COL25A1: variants seen among roughly 807,000 people sequenced by gnomAD.
COL25A1 encodes collagen type XXV alpha 1 chain.
COL25A1 carries 103 observed loss-of-function variants against 128.4 expected under a neutral mutation model. That is an observed-to-expected ratio of 0.80 (90% CI 0.68 to 0.94). COL25A1 has a LOEUF of 0.94. COL25A1 is among the 40% of genes least tolerant of loss of function. The pLI is 0.00. For synonymous variants in COL25A1, 279 were observed against 277.2 expected (o/e 1.01, Z -0.06); for missense variants, 745 against 840.0 (o/e 0.89, Z 1.40).
At chr4:108,876,738 T>C (rs899648599) in intron 19 of COL25A1, among the ~76,000 whole-genome samples, 4 of 152,194 alleles carry the variant, frequency 2.6e-5, no homozygotes, top group African/African-American at 9.7e-5. Flanking sequence ...CTCAGCCCTG[T>C]TGGTGTTATT....
chr4:109,139,563 A>G (rs1770178184), intron 3 of COL25A1, among the ~76,000 whole-genome samples: 1 of 152,154 alleles, frequency 6.6e-6, no homozygotes, highest in Non-Finnish European at 1.5e-5. Context: ...TCTCAACACC[A>G]TTTATTAAAT....
At chr4:108,945,932 T>C (rs1269416131) in intron 8 of COL25A1, among the ~76,000 whole-genome samples, 1 of 152,220 alleles carries the variant, frequency 6.6e-6, no homozygotes, top group East Asian at 1.9e-4. Context: ...CCCAAAGTGC[T>C]GGGATTATAG....
chr4:108,942,117 C>A, intron 8 of COL25A1: 9 of 1,298,338 alleles, frequency 6.9e-6, no homozygotes, highest in Non-Finnish European at 9.7e-6. Context: ...TGAGAGGAAG[C>A]CAACGGGCTC....
At chr4:109,083,462 T>TAAAA (rs1560659352) in intron 3 of COL25A1, among the ~76,000 whole-genome samples, 9 of 124,110 alleles carry the variant, frequency 7.3e-5, no homozygotes, top group African/African-American at 2.7e-4. Context: ...TTTTTTTTTT[T>TAAAA]TTTTTTTTTT....
chr4:109,267,516 T>C (rs1267184519), intron 3 of COL25A1, among the ~76,000 whole-genome samples: 1 of 152,182 alleles, frequency 6.6e-6, no homozygotes, highest in Non-Finnish European at 1.5e-5. Flanking sequence ...ACTAAATGCA[T>C]TTCCATTGTA....
At chr4:109,039,491 C>T (rs147299302) in intron 5 of COL25A1, among the ~76,000 whole-genome samples, 53 of 152,304 alleles carry the variant, frequency 3.5e-4, no homozygotes, top group African/African-American at 1.3e-3. Context: ...TTCGATTTTT[C>T]ACCCAGACAA....
chr4:108,838,132 C>T (rs756298196), intron 31 of COL25A1: 9 of 1,550,216 alleles, frequency 5.8e-6, no homozygotes, highest in Admixed American at 2.0e-5. Context: ...ACCCTTTTGA[C>T]CTGGTTCACC....
intron 3 of COL25A1, among the ~76,000 whole-genome samples, chr4:109,053,590 C>T (rs1041067794): frequency 2.2e-4 from 34 of 152,114 alleles, no homozygotes; most frequent in African/African-American, 8.2e-4. Context: ...TACCAAAACC[C>T]GTCAATTCTA....
intron 5 of COL25A1, among the ~76,000 whole-genome samples, chr4:109,036,932 A>T (rs1759415259): frequency 1.3e-5 from 2 of 152,186 alleles, no homozygotes; most frequent in South Asian, 4.1e-4. Context: ...TGTTCCCCAA[A>T]CTGCAAATTA....
rs561690857 is a variant in COL25A1 at position 108,840,322 on chromosome 4, C to T, written c.1656+1373G>A. Among the ~76,000 whole-genome samples, 5 of 150,794 alleles carry T rather than the reference C, an allele frequency of 3.3e-5. No homozygotes were observed. The South Asian group carries it at 8.4e-4, about 25-fold the overall frequency. Reference sequence around the variant, plus strand: ...GGGAAAAAGGCCCAGAGAGATTAAACGACTACTAAGATCACAAAGCTGATA... The same window carrying T: ...GGGAAAAAGGCCCAGAGAGATTAAATGACTACTAAGATCACAAAGCTGATA... On this transcript the variant is annotated intron_variant, in intron 31 of 37. Transcript: ENST00000399132.
chr4:108,869,118 T>C lies in COL25A1; in HGVS notation c.1053A>G (p.Glu351=). ...TTCCTGGTAAACCTGGTAAGCCTGGTTCTCCTTGAGGACCAATGAAACCTG... is the reference window on the plus strand; with the variant it reads ...TTCCTGGTAAACCTGGTAAGCCTGGCTCTCCTTGAGGACCAATGAAACCTG... ...GEPGFIGPQG[E]PGLPGLPGTK... Residue 351 remains glutamate (E), a synonymous_variant, in exon 20 of 38, where the codon GAA becomes GAG. Transcript: ENST00000399132. 1 of 1,559,544 alleles carries C rather than the reference T, an allele frequency of 6.4e-7. No individual in the cohort carries two copies. Among genetic ancestry groups the C allele is most frequent in the Non-Finnish European group, 8.6e-7 (1 of 1,158,450 alleles).
intron 3 of COL25A1, among the ~76,000 whole-genome samples, chr4:109,232,612 A>G (rs190279796): frequency 3.6e-4 from 55 of 152,322 alleles, no homozygotes; most frequent in African/African-American, 9.9e-4. Flanking sequence ...CACAAAATAT[A>G]TCCATTCAAT....
At chr4:109,099,392 T>G (rs949694495) in intron 3 of COL25A1, among the ~76,000 whole-genome samples, 2 of 152,222 alleles carry the variant, frequency 1.3e-5, no homozygotes, top group Non-Finnish European at 2.9e-5. Context: ...TTTAATGATA[T>G]ATAACTTTTC....
chr4:109,014,994 C>T (rs1250557314), intron 5 of COL25A1, among the ~76,000 whole-genome samples: 3 of 152,170 alleles, frequency 2.0e-5, no homozygotes, highest in African/African-American at 4.8e-5. Flanking sequence ...CCGGCAGCGC[C>T]GAGTCTTGCA....
At chr4:108,916,755 A>G (rs930533067) in intron 13 of COL25A1, among the ~76,000 whole-genome samples, 1 of 152,196 alleles carries the variant, frequency 6.6e-6, no homozygotes, top group Non-Finnish European at 1.5e-5. Context: ...TATTCTAAAT[A>G]TTCTGTCTTT....
intron 4 of COL25A1, among the ~76,000 whole-genome samples, chr4:109,049,472 C>G (rs1308673088): frequency 6.6e-6 from 1 of 152,130 alleles, no homozygotes; most frequent in Non-Finnish European, 1.5e-5. Flanking sequence ...CAAGAATGTC[C>G]TGAAGTAGGA....
chr4:109,031,096 G>A (rs1442822856), intron 5 of COL25A1, among the ~76,000 whole-genome samples: 1 of 151,698 alleles, frequency 6.6e-6, no homozygotes, highest in Non-Finnish European at 1.5e-5. Context: ...GTTTTCTTAT[G>A]CCACACAACT....
chr4:109,253,173 A>T (rs1159543177), intron 3 of COL25A1, among the ~76,000 whole-genome samples: 1 of 152,198 alleles, frequency 6.6e-6, no homozygotes, highest in Non-Finnish European at 1.5e-5. Flanking sequence ...CAAAATCTGT[A>T]TTACGCAGGA....
intron 16 of COL25A1, among the ~76,000 whole-genome samples, chr4:108,892,339 C>A (rs1741609735): frequency 1.3e-5 from 2 of 152,068 alleles, no homozygotes; most frequent in Admixed American, 6.5e-5. Context: ...GCACAGTTTC[C>A]ATTTTTGTTT....
Sources: gnomAD v4.1 joint callset for allele counts (sites outside exome capture counted in the v4.1 genomes callset) on GRCh38, gnomAD v4.1.1 for gene constraint, MANE v1.5 for transcripts, NCBI Gene and HGNC (gene_info 2026-07-23, HGNC 2026-07-21) for gene names.